CFAP54: variants seen among roughly 807,000 people sequenced by gnomAD.
The protein encoded by CFAP54 is cilia- and flagella-associated protein 54.
Under a neutral mutation model 370.4 loss-of-function variants are expected in CFAP54, and 290 were observed. The ratio of observed to expected loss-of-function variants is 0.78; its 90% CI spans 0.71 to 0.86. CFAP54 has a LOEUF of 0.86. CFAP54 is among the 40% of genes least tolerant of loss of function. The pLI is 0.00. For missense variants in CFAP54, 3,399 were observed against 3,528.7 expected (o/e 0.96, Z 0.93); for synonymous variants, 1,206 against 1,236.5 (o/e 0.98, Z 0.52).
intron 33 of CFAP54, among the ~76,000 whole-genome samples, chr12:96,647,589 A>G (rs1373053005): frequency 6.6e-6 from 1 of 151,162 alleles, no homozygotes; most frequent in African/African-American, 2.4e-5. Flanking sequence ...GAAATAAATT[A>G]TCGTTTCAGA....
intron 26 of CFAP54, among the ~76,000 whole-genome samples, chr12:96,612,209 C>T (rs2136455793): frequency 6.6e-6 from 1 of 152,294 alleles, no homozygotes; most frequent in South Asian, 2.1e-4. Context: ...ACTCTACAAG[C>T]CAGAAGAGAG....
At chr12:96,872,857 C>A (rs1283317815) in intron 67 of CFAP54, among the ~76,000 whole-genome samples, 1 of 152,156 alleles carries the variant, frequency 6.6e-6, no homozygotes, top group African/African-American at 2.4e-5. Flanking sequence ...AGTGCAAAAT[C>A]TGGGACTATC....
At chr12:96,515,497 T>C (rs1271768358) in intron 5 of CFAP54, among the ~76,000 whole-genome samples, 2 of 152,314 alleles carry the variant, frequency 1.3e-5, no homozygotes, top group Middle Eastern at 3.4e-3. Context: ...GGTAAATTGA[T>C]TCCTGAGCTG....
chr12:96,771,606 A>C (rs139720998), intron 60 of CFAP54, among the ~76,000 whole-genome samples: 2,604 of 152,086 alleles, frequency 0.017, 43 homozygotes, highest in African/African-American at 0.037. Context: ...GAGCCGAGAT[A>C]GCGCCACTGC....
intron 39 of CFAP54, among the ~76,000 whole-genome samples, chr12:96,678,492 T>G (rs1430998988): frequency 6.6e-6 from 1 of 152,182 alleles, no homozygotes; most frequent in Non-Finnish European, 1.5e-5. Context: ...CCTCAAGTGA[T>G]CCACCTGCCA....
At chr12:96,809,012 G>A (rs1000351024) in intron 63 of CFAP54, among the ~76,000 whole-genome samples, 1 of 152,160 alleles carries the variant, frequency 6.6e-6, no homozygotes, top group African/African-American at 2.4e-5. Flanking sequence ...TATTTTCCCT[G>A]AAAATGTGAG....
In CFAP54 at chr12:96,658,022, A is replaced by G. The variant is rs116242120; in HGVS notation, c.5241A>G (p.Val1747=). The part of the protein sequence containing the change: ...VVDLKWIHDF[V]LKSLEVLYQV... ...ATTTGAAATGGATCCACGACTTTGT[A>G]TTAAAATCTCTGGAAGTTTTATATC... Residue 1747 remains valine (V), a synonymous_variant, in exon 37 of 68, where the codon GTA becomes GTG. Coordinates refer to ENST00000524981, the MANE Select transcript of CFAP54 (RefSeq NM_001306084.2). 1.9e-6 allele frequency: 3 copies of G among 1,614,012 alleles called. No homozygotes were observed. In the East Asian group the frequency reaches 6.7e-5, roughly 36 times the overall value.
chr12:96,666,692 A>T (rs2136528393), intron 39 of CFAP54, among the ~76,000 whole-genome samples: 1 of 152,240 alleles, frequency 6.6e-6, no homozygotes, highest in Non-Finnish European at 1.5e-5. Context: ...CTCCCACCAC[A>T]TGTGGGGATT....
intron 50 of CFAP54, among the ~76,000 whole-genome samples, chr12:96,721,005 G>A (rs1173859549): frequency 6.6e-6 from 1 of 150,628 alleles, no homozygotes; most frequent in East Asian, 2.0e-4. Context: ...GGATGACAGA[G>A]CAAGACTCTG....
chr12:96,584,601 T>G (rs960347790), intron 22 of CFAP54, among the ~76,000 whole-genome samples: 1 of 152,180 alleles, frequency 6.6e-6, no homozygotes, highest in East Asian at 1.9e-4. Context: ...TGTGCCAAGT[T>G]ATATGCTAGA....
Position 96,642,818 on chromosome 12 carries a change from T to G in CFAP54, c.4317-1360T>G, listed in dbSNP as rs117153953. ...TCTTGGGTGTCCTGAGACTTGTTGCTCATGAAGACACAAATCAGGTTATTG... is the reference window on the plus strand; with the variant it reads ...TCTTGGGTGTCCTGAGACTTGTTGCGCATGAAGACACAAATCAGGTTATTG... On this transcript the variant is annotated intron_variant, in intron 32 of 67. Transcript: ENST00000524981. 7.7e-3 allele frequency among the ~76,000 whole-genome samples: 1,173 copies of G among 152,286 alleles called. 12 individuals are homozygous for G. The highest frequency in any genetic ancestry group is 0.02 in the Middle Eastern group (6 of 294).
At chr12:96,500,593 C>A (rs568606924) in intron 1 of CFAP54, among the ~76,000 whole-genome samples, 1 of 152,122 alleles carries the variant, frequency 6.6e-6, no homozygotes, top group South Asian at 2.1e-4. Context: ...CTGTTGTGAA[C>A]TTAAAATTGC....
intron 9 of CFAP54, among the ~76,000 whole-genome samples, chr12:96,532,887 C>T (rs938663593): frequency 6.6e-6 from 1 of 152,168 alleles, no homozygotes; most frequent in Non-Finnish European, 1.5e-5. Flanking sequence ...TCCCAAAGTG[C>T]TGGGATTACA....
intron 60 of CFAP54, among the ~76,000 whole-genome samples, chr12:96,778,397 A>G (rs1160063272): frequency 3.3e-5 from 5 of 152,206 alleles, no homozygotes; most frequent in African/African-American, 1.2e-4. Context: ...TAATTTTAAA[A>G]TCTTTTTTCT....
intron 9 of CFAP54, among the ~76,000 whole-genome samples, chr12:96,527,768 C>T (rs764862515): frequency 2.6e-5 from 4 of 152,140 alleles, no homozygotes; most frequent in Admixed American, 6.5e-5. Flanking sequence ...GGGGTCTCAC[C>T]GTGTTTCCCA....
chr12:96,762,421 T>C (rs1026329449), intron 58 of CFAP54, among the ~76,000 whole-genome samples: 1 of 152,170 alleles, frequency 6.6e-6, no homozygotes, highest in Non-Finnish European at 1.5e-5. Context: ...CTTGCCCGGG[T>C]TTTCTTTCCT....
intron 26 of CFAP54, among the ~76,000 whole-genome samples, chr12:96,618,919 A>G (rs1286207876): frequency 6.6e-6 from 1 of 152,050 alleles, no homozygotes; most frequent in Non-Finnish European, 1.5e-5. Context: ...TGAGACAGAG[A>G]TCAGGCATGA....
intron 19 of CFAP54, among the ~76,000 whole-genome samples, chr12:96,572,428 G>C (rs970489810): frequency 2.0e-5 from 3 of 152,006 alleles, no homozygotes; most frequent in African/African-American, 7.2e-5. Flanking sequence ...AGCATTTTAG[G>C]GAATGAGTGA....
At chr12:96,874,696 C>G (rs1960258810) in intron 67 of CFAP54, among the ~76,000 whole-genome samples, 2 of 137,700 alleles carry the variant, frequency 1.5e-5, no homozygotes, top group Admixed American at 1.5e-4. Context: ...GTGGCGCGAT[C>G]TCGGCTCACT....
Sources: gnomAD v4.1 joint callset for allele counts (sites outside exome capture counted in the v4.1 genomes callset) on GRCh38, gnomAD v4.1.1 for gene constraint, MANE v1.5 for transcripts, NCBI Gene and HGNC (gene_info 2026-07-23, HGNC 2026-07-21) for gene names.